Variants in AKAP12 observed in about 807,000 individuals in gnomAD.
AKAP12 encodes the protein A-kinase anchoring protein 12, also known as A-kinase anchor protein 12.
A neutral mutation model predicts 79.9 loss-of-function variants in AKAP12; 32 were observed. The observed-to-expected ratio is 0.40, with a 90% CI of 0.30 to 0.54. The LOEUF (loss-of-function observed/expected upper bound fraction) is 0.54. AKAP12 is among the 20% of genes least tolerant of loss of function. AKAP12 has a pLI of 0.48. For missense variants in AKAP12, 2,074 were observed against 2,177.0 expected, an observed-to-expected ratio of 0.95 and a Z score of 0.94; for synonymous variants, 808 against 857.0, an observed-to-expected ratio of 0.94 and a Z score of 1.00.
Position 151,349,200 on chromosome 6 carries a change from A to T in AKAP12, c.809A>T (p.Glu270Val). 1.9e-6 allele frequency: 3 copies of T among 1,613,830 alleles called. No individual in the cohort carries two copies. Among genetic ancestry groups the T allele is most frequent in the Non-Finnish European group, 2.5e-6 (3 of 1,179,998 alleles). Residue 270 changes from glutamate (E) to valine (V), a missense_variant, in exon 4 of 5, where the codon GAA becomes GTA. This residue lies in a region of AKAP12 where 1,428 missense variants were observed against 1,451.0 expected (regional missense o/e 0.98). Transcript: ENST00000402676. ...GTGGAGGAATGCAAAGAGGAAGGAG[A>T]AGAGAAACAAGAAAAAGAACCTAGC... ...QAVEECKEEG[E>V]EKQEKEPSKS...
intron 3 of AKAP12, among the ~76,000 whole-genome samples, chr6:151,307,984 A>G (rs1276367900): frequency 6.6e-6 from 1 of 151,982 alleles, no homozygotes; most frequent in Non-Finnish European, 1.5e-5. Flanking sequence ...CTCCGGCTCC[A>G]GTGATTCTCC....
In AKAP12 at chr6:151,349,847, G is replaced by A; in HGVS notation, c.1456G>A (p.Glu486Lys). The A allele has an allele frequency of 1.2e-6, 2 of 1,614,198 alleles. No individual in the cohort carries two copies. Among genetic ancestry groups the A allele is most frequent in the Non-Finnish European group, 1.7e-6 (2 of 1,180,036 alleles). ...ACAGGGAGCTGACCTCAGTCCTGAT[G>A]AGAAGGTGCTGTCCAAACCCCCCGA... The part of the protein sequence containing the change: ...PTQGADLSPD[E>K]KVLSKPPEGV... The change falls in exon 4 of 5, where the codon GAG (glutamate) becomes AAG (lysine). Residue 486 changes from glutamate to lysine, a missense_variant. Around this residue, in one of 3 missense-constraint regions of AKAP12, gnomAD observed 1,428 missense variants for 1,451.0 expected, o/e 0.98. Transcript: ENST00000402676.
At chr6:151,345,922 TGTGTGTGTGTGA>T (rs1274115305) in intron 3 of AKAP12, among the ~76,000 whole-genome samples, 3 of 114,276 alleles carry the variant, frequency 2.6e-5, no homozygotes, top group African/African-American at 9.2e-5. Flanking sequence ...TGTGTGTGTG[TGTGTGTGTGTGA>T]GAGAGAGAGA....
At chr6:151,255,151 A>G (rs986851343) in intron 2 of AKAP12, among the ~76,000 whole-genome samples, 1 of 147,492 alleles carries the variant, frequency 6.8e-6, no homozygotes, top group Non-Finnish European at 1.5e-5. Context: ...AAAACAGTAG[A>G]TGGGATTGAT....
At chr6:151,310,008 G>A (rs553202378) in intron 3 of AKAP12, among the ~76,000 whole-genome samples, 2 of 150,974 alleles carry the variant, frequency 1.3e-5, no homozygotes, top group Admixed American at 6.6e-5. Context: ...CTCCCTTTCC[G>A]CAACCCAAAT....
chr6:151,314,483 G>A (rs1381570959), intron 3 of AKAP12, among the ~76,000 whole-genome samples: 2 of 152,124 alleles, frequency 1.3e-5, no homozygotes, highest in African/African-American at 4.8e-5. Flanking sequence ...GCCACTAAAC[G>A]TCATCCTCTC....
chr6:151,307,778 C>T (rs1301205073), intron 3 of AKAP12, among the ~76,000 whole-genome samples: 1 of 152,110 alleles, frequency 6.6e-6, no homozygotes, highest in African/African-American at 2.4e-5. Flanking sequence ...TCCATCGTCT[C>T]CCTGAGGTGA....
Position 151,261,738 on chromosome 6 carries a change from TTTATTTATTTA to T in AKAP12, c.162+21017_162+21027del, listed in dbSNP as rs1308472271. The stretch of plus-strand genomic sequence containing the variant: ...AACAACAGTGGTTTTTATTATTTTA[TTTATTTATTTA>T]TTTATTTATTTATTTATTTATTTAT... On this transcript the variant is annotated intron_variant, in intron 2 of 4. Coordinates refer to ENST00000402676, the MANE Select transcript of AKAP12 (RefSeq NM_005100.4). 6.8e-4 allele frequency among the ~76,000 whole-genome samples: 17 copies of T among 24,978 alleles called. No individual in the cohort carries two copies. The African/African-American group carries it at 0.018, about 27-fold the overall frequency. 16.4% of individuals were successfully genotyped at this position (24,978 alleles called of 152,430 possible). A position where few individuals can be genotyped will look rare whatever the true frequency, so the allele number is the denominator to read the frequency against.
chr6:151,325,884 A>C (rs138731692), intron 3 of AKAP12: 223 of 1,614,190 alleles, frequency 1.4e-4, no homozygotes, highest in Non-Finnish European at 1.8e-4. Context: ...TCACCATCAC[A>C]GGTAAGGCAC....
At chr6:151,259,000 ATG>A (rs748890652) in intron 2 of AKAP12, among the ~76,000 whole-genome samples, 152 of 150,670 alleles carry the variant, frequency 1.0e-3, no homozygotes, top group Non-Finnish European at 1.7e-3. Flanking sequence ...GTATCTATAT[ATG>A]TGTGTGTGTA....
At chr6:151,310,177 A>G (rs1023748006) in intron 3 of AKAP12, among the ~76,000 whole-genome samples, 1 of 152,046 alleles carries the variant, frequency 6.6e-6, no homozygotes, top group African/African-American at 2.4e-5. Flanking sequence ...AGCCTGGCCA[A>G]CATGGTGAAA....
chr6:151,354,400 G>A (rs1040858701), intron 4 of AKAP12, among the ~76,000 whole-genome samples: 42 of 147,480 alleles, frequency 2.8e-4, no homozygotes, highest in African/African-American at 1.1e-3. Context: ...TTGAGACGGA[G>A]TCTCGCTCTG....
chr6:151,341,798 T>G, intron 3 of AKAP12: 2 of 1,286,122 alleles, frequency 1.6e-6, no homozygotes, highest in Non-Finnish European at 2.0e-6. Context: ...TGTGTGTGGG[T>G]TTTCCAGCCT....
At chr6:151,344,764 C>T (rs1778044774) in intron 3 of AKAP12, among the ~76,000 whole-genome samples, 1 of 152,102 alleles carries the variant, frequency 6.6e-6, no homozygotes, top group Non-Finnish European at 1.5e-5. Context: ...AAACTCCTGA[C>T]CTTAAATGAT....
chr6:151,281,929 T>G (rs1664307335), intron 2 of AKAP12, among the ~76,000 whole-genome samples: 1 of 152,074 alleles, frequency 6.6e-6, no homozygotes, highest in African/African-American at 2.4e-5. Context: ...AACACCTGGC[T>G]TCAAGAGATC....
chr6:151,322,125 G>A (rs1777411235), intron 3 of AKAP12, among the ~76,000 whole-genome samples: 1 of 151,884 alleles, frequency 6.6e-6, no homozygotes, highest in Non-Finnish European at 1.5e-5. Context: ...GGCCAGGCTG[G>A]TCTCGAACTC....
chr6:151,331,970 C>T (rs765933600), intron 3 of AKAP12, among the ~76,000 whole-genome samples: 2 of 150,800 alleles, frequency 1.3e-5, no homozygotes, highest in Non-Finnish European at 2.9e-5. Context: ...GCTCAACGAT[C>T]CTCCTGTCTC....
chr6:151,341,916 C>T (rs1777960910), intron 3 of AKAP12: 1 of 607,090 alleles, frequency 1.6e-6, no homozygotes, highest in Non-Finnish European at 2.4e-6. Context: ...GCTGTAGAGC[C>T]GCCCGCTGCC....
At chr6:151,270,643 C>A (rs1486839984) in intron 2 of AKAP12, among the ~76,000 whole-genome samples, 1 of 152,192 alleles carries the variant, frequency 6.6e-6, no homozygotes, top group Admixed American at 6.5e-5. Context: ...TAAATTCTAA[C>A]CAGCAGTGTT....
Sources: allele counts gnomAD v4.1 joint callset (sites outside exome capture counted in the v4.1 genomes callset), GRCh38; gene constraint gnomAD v4.1.1; regional missense constraint gnomAD v4.1.1; transcripts MANE v1.5; gene names NCBI Gene and HGNC (gene_info 2026-07-23, HGNC 2026-07-21).